STK32C: variants seen among roughly 807,000 people sequenced by gnomAD.
STK32C encodes the protein serine/threonine kinase 32C, also known as serine/threonine-protein kinase 32C.
A neutral mutation model predicts 56.5 loss-of-function variants in STK32C; 31 were observed. The observed-to-expected ratio is 0.55, with a 90% CI of 0.41 to 0.74. The LOEUF (loss-of-function observed/expected upper bound fraction) is 0.74. Ranked by LOEUF, STK32C falls within the 30% of genes least tolerant of loss-of-function variation. The pLI is 0.00. For missense variants in STK32C, 544 were observed against 676.9 expected (o/e 0.80, Z 2.18); for synonymous variants, 309 against 289.4 (o/e 1.07, Z -0.69).
rs997929948 is a variant in STK32C, at chr10:132,226,096, A to G, written c.645-312T>C. On this transcript the variant is annotated intron_variant, in intron 4 of 11. Transcript: ENST00000298630. ...TGGCAGGGTCTGCCCTCCCCCTCCA[A>G]GACTCGGCCTCTAGGAGACCAAGCC... Among the ~76,000 whole-genome samples, 7 of 152,322 alleles carry G rather than the reference A, an allele frequency of 4.6e-5. No individual in the cohort carries two copies. In the South Asian group the frequency reaches 1.5e-3, roughly 32 times the overall value.
At position 132,291,636 on chromosome 10, in the gene STK32C, C is replaced by T. The variant is rs372700779; in HGVS notation, c.262+15936G>A. Among the ~76,000 whole-genome samples the T allele has an allele frequency of 2.2e-3, 336 of 152,294 alleles. No individual in the cohort carries two copies. In the South Asian group the frequency reaches 0.029, roughly 13 times the overall value. On this transcript the variant is annotated intron_variant, in intron 1 of 11. Coordinates refer to ENST00000298630, the MANE Select transcript of STK32C (RefSeq NM_173575.4). ...GAATCACACCAGGTACCATCCTTCA[C>T]GCATCCAGACTCCTGTATGAACGCT...
At position 132,318,835 on chromosome 10, in the gene STK32C, T is replaced by G. The variant is rs556366358; in HGVS notation, c.301+12601A>C. 4.0e-5 allele frequency among the ~76,000 whole-genome samples: 6 copies of G among 151,084 alleles called. No homozygotes were observed. In the South Asian group the frequency reaches 1.3e-3, roughly 32 times the overall value. ...AGTAAAAATTTAAACCTCCATGAGA[T>G]ACAACTACACACTTACTAGGATTGC... is the stretch of plus-strand genomic sequence containing the variant. On this transcript the variant is annotated intron_variant, in intron 1 of 3. Coordinates refer to the STK32C transcript ENST00000368620.
At chr10:132,331,599 G>T (rs1329076945) in exon 1 of STK32C, 3 of 1,612,826 alleles carry the variant, frequency 1.9e-6, no homozygotes, top group Non-Finnish European at 8.5e-7. Context: ...GAGACGCGGG[G>T]AGTGAGCCCA....
intron 2 of STK32C, among the ~76,000 whole-genome samples, chr10:132,230,246 G>C (rs1382910173): frequency 6.6e-6 from 1 of 152,250 alleles, no homozygotes; most frequent in Non-Finnish European, 1.5e-5. Context: ...CAGAATGACA[G>C]TGAGCGTAAG....
intron 2 of STK32C, among the ~76,000 whole-genome samples, chr10:132,234,645 G>A (rs1482242060): frequency 6.6e-6 from 1 of 152,214 alleles, no homozygotes; most frequent in African/African-American, 2.4e-5. Flanking sequence ...CCTCCTGCTT[G>A]GGGAGTGGTG....
chr10:132,315,757 G>T (rs2066298895), intron 1 of STK32C, among the ~76,000 whole-genome samples: 1 of 152,118 alleles, frequency 6.6e-6, no homozygotes, highest in Non-Finnish European at 1.5e-5. Flanking sequence ...ACCAATAACT[G>T]CATATTACAC....
At chr10:132,280,420 C>G (rs1428846228) in intron 1 of STK32C, among the ~76,000 whole-genome samples, 1 of 147,576 alleles carries the variant, frequency 6.8e-6, no homozygotes, top group African/African-American at 2.5e-5. Context: ...ACCCCCTGAT[C>G]ACACCACTGC....
At chr10:132,309,454 T>C (rs1447171337), upstream of STK32C, among the ~76,000 whole-genome samples, 1 of 152,246 alleles carries the variant, frequency 6.6e-6, no homozygotes. Context: ...GGTATTTTTA[T>C]GGCAGCATAA....
intron 1 of STK32C, among the ~76,000 whole-genome samples, chr10:132,304,063 T>C (rs1449805885): frequency 1.3e-5 from 2 of 152,254 alleles, no homozygotes; most frequent in Admixed American, 1.3e-4. Flanking sequence ...CGGACCCCTT[T>C]GCCTGAGCAA....
chr10:132,238,346 G>A (rs569715083), intron 2 of STK32C, among the ~76,000 whole-genome samples: 3 of 152,286 alleles, frequency 2.0e-5, no homozygotes, highest in Admixed American at 6.5e-5. Context: ...TGATGAGACC[G>A]TTCGTTATAG....
At chr10:132,285,719 AC>A (rs2065379082) in intron 1 of STK32C, among the ~76,000 whole-genome samples, 1 of 152,264 alleles carries the variant, frequency 6.6e-6, no homozygotes, top group East Asian at 1.9e-4. Flanking sequence ...GAACAGACTA[AC>A]CAACAGACAT....
At chr10:132,310,181 A>G (rs1413247289), upstream of STK32C, among the ~76,000 whole-genome samples, 1 of 152,210 alleles carries the variant, frequency 6.6e-6, no homozygotes, top group Non-Finnish European at 1.5e-5. This position sits in a 1 kb window ranked among gnomAD's most constrained non-coding sequence, Gnocchi z 4.6. Context: ...ACACTTAACT[A>G]GGAGACCCTC....
At chr10:132,326,027 CTT>C (rs923018963) in intron 1 of STK32C, among the ~76,000 whole-genome samples, 30 of 152,096 alleles carry the variant, frequency 2.0e-4, no homozygotes, top group African/African-American at 6.5e-4. Flanking sequence ...GCCGGTATGT[CTT>C]TATCAGCAGC....
chr10:132,287,855 T>A (rs1381387274), intron 1 of STK32C, among the ~76,000 whole-genome samples: 1 of 152,116 alleles, frequency 6.6e-6, no homozygotes, highest in Non-Finnish European at 1.5e-5. Flanking sequence ...ATAATACTAA[T>A]GAGTAGCAGA....
chr10:132,256,497 G>A (rs1389207923), intron 1 of STK32C, among the ~76,000 whole-genome samples: 1 of 152,188 alleles, frequency 6.6e-6, no homozygotes, highest in Non-Finnish European at 1.5e-5. Flanking sequence ...AGTGATTAGG[G>A]CAACCGCCTG....
intron 1 of STK32C, among the ~76,000 whole-genome samples, chr10:132,314,830 T>G (rs1008928858): frequency 6.6e-6 from 1 of 152,156 alleles, no homozygotes; most frequent in Non-Finnish European, 1.5e-5. Flanking sequence ...ATACCTAACA[T>G]GCAGCCATAA....
At chr10:132,257,459 G>A (rs879872968) in intron 1 of STK32C, among the ~76,000 whole-genome samples, 1 of 152,068 alleles carries the variant, frequency 6.6e-6, no homozygotes, top group East Asian at 1.9e-4. Context: ...CAGGGAGAGG[G>A]GCAGAGCTGG....
At chr10:132,301,765 G>T (rs2065917493) in intron 1 of STK32C, among the ~76,000 whole-genome samples, 2 of 152,252 alleles carry the variant, frequency 1.3e-5, no homozygotes, top group Non-Finnish European at 2.9e-5. Flanking sequence ...GAGAGGAACA[G>T]AAGGAGGAAA....
intron 2 of STK32C, among the ~76,000 whole-genome samples, chr10:132,232,845 C>T (rs12263184): frequency 0.17 from 24,638 of 147,066 alleles, 2,431 homozygotes; most frequent in Middle Eastern, 0.25. Flanking sequence ...GAGGCCACAG[C>T]GCCACCCGGA....
Sources: gnomAD v4.1 joint callset for allele counts (sites outside exome capture counted in the v4.1 genomes callset) on GRCh38, gnomAD v4.1.1 for gene constraint, Gnocchi (gnomAD v3.1) non-coding constraint, MANE v1.5 for transcripts, NCBI Gene and HGNC (gene_info 2026-07-23, HGNC 2026-07-21) for gene names.